GOLM1: variants seen among roughly 807,000 people sequenced by gnomAD.
GOLM1 encodes epididymis luminal protein 46.
GOLM1 carries 31 observed loss-of-function variants against 50.5 expected under a neutral mutation model. The ratio of observed to expected loss-of-function variants is 0.61; its 90% CI spans 0.46 to 0.83. GOLM1 has a LOEUF of 0.83. Ranked by LOEUF, GOLM1 falls within the 40% of genes least tolerant of loss-of-function variation. The probability of loss-of-function intolerance (pLI) is 0.00; values close to 1 mark genes in which losing one functional copy is unlikely to be tolerated. For synonymous variants in GOLM1, 178 were observed against 192.8 expected, an observed-to-expected ratio of 0.92 and a Z score of 0.64; for missense variants, 491 against 501.3, an observed-to-expected ratio of 0.98 and a Z score of 0.20.
intron 1 of GOLM1, chr9:86,080,280 T>C (rs1715958920): frequency 6.6e-6 from 1 of 152,194 alleles, no homozygotes; most frequent in Non-Finnish European, 1.5e-5. Context: ...GTTAATGGGC[T>C]TCAATTCAAA....
intron 3 of GOLM1, among the ~76,000 whole-genome samples, chr9:86,070,431 G>A (rs1197757875): frequency 2.0e-5 from 3 of 152,026 alleles, no homozygotes; most frequent in Non-Finnish European, 4.4e-5. Flanking sequence ...AATTAGCCGG[G>A]TGTGGTGGCA....
At chr9:86,044,690 AC>A (rs1217295916) in intron 5 of GOLM1, among the ~76,000 whole-genome samples, 1 of 152,220 alleles carries the variant, frequency 6.6e-6, no homozygotes, top group East Asian at 1.9e-4. Flanking sequence ...AGTAGCTCAC[AC>A]CTGTAATCCC....
Position 86,027,881 on chromosome 9 carries a change from T to G in GOLM1, c.1142A>C (p.Glu381Ala). The part of the protein sequence containing the change: ...NDRNIDVFNV[E>A]DQKRDTINLL... ...ATTTATGGTGTCTCTTTTCTGATCT[T>G]CAACATTAAAAACTAAAAAGGAAAA... is the stretch of plus-strand genomic sequence containing the variant. The change falls in exon 10 of 10, where the codon GAA becomes GCA. Residue 381 changes from glutamate (E) to alanine (A), a missense_variant. Glu to Ala is a moderately radical substitution (Grantham distance 107, BLOSUM62 -1). Coordinates refer to ENST00000388712, the MANE Select transcript of GOLM1 (RefSeq NM_016548.4). 2 of 1,598,936 alleles carry G rather than the reference T, an allele frequency of 1.3e-6. No homozygotes were observed. The highest frequency in any genetic ancestry group is 1.7e-6 in the Non-Finnish European group (2 of 1,166,414).
At position 86,077,608 on chromosome 9, in the gene GOLM1, G is replaced by A. The variant is rs770612188; in HGVS notation, c.130-17C>T. On this transcript the variant is annotated splice_polypyrimidine_tract_variant and intron_variant, in intron 2 of 9. Transcript: ENST00000388712. ...GATCCGTGTCTACAAGGAGACCGTG[G>A]CATTAGGGCTGATGCCAAGTTACCT... 1 of 1,602,594 alleles carries A rather than the reference G, an allele frequency of 6.2e-7. No individual in the cohort carries two copies. Among genetic ancestry groups the A allele is most frequent in the Non-Finnish European group, 8.5e-7 (1 of 1,170,862 alleles).
intron 2 of GOLM1, 163 bp from the exon 3 acceptor site, chr9:86,077,754 G>A (rs1378477190): frequency 1.7e-6 from 1 of 583,170 alleles, no homozygotes; most frequent in Admixed American, 3.0e-5. Flanking sequence ...AGAAGCTGGA[G>A]CGGTTTCTTC....
rs137940810 is a variant in GOLM1, at chr9:86,075,634, C to T, written c.309+1778G>A. On this transcript the variant is annotated intron_variant, in intron 3 of 9. Coordinates refer to ENST00000388712, the MANE Select transcript of GOLM1 (RefSeq NM_016548.4). ...TTCCATGCCTCCTACCACCAAACCA[C>T]AGCTAAAATCCTCCTGCAGCTAAGG... Among the ~76,000 whole-genome samples the T allele has an allele frequency of 2.6e-5, 4 of 152,352 alleles. No individual in the cohort carries two copies. In the East Asian group the frequency reaches 7.7e-4, roughly 29 times the overall value.
chr9:86,072,768 A>G lies in GOLM1; in HGVS notation c.309+4644T>C, dbSNP rs367972813. On this transcript the variant is annotated intron_variant, in intron 3 of 9. Coordinates refer to ENST00000388712, the MANE Select transcript of GOLM1 (RefSeq NM_016548.4). ...GAGATTTTGTCTTTGTGTAACCATC[A>G]TAGAATGCACTTATACAAACCTGGA... Among the ~76,000 whole-genome samples, 9 of 152,362 alleles carry G rather than the reference A, an allele frequency of 5.9e-5. 1 individual carries two copies. Among genetic ancestry groups the G allele is most frequent in the African/African-American group, 2.2e-4 (9 of 41,582 alleles).
intron 3 of GOLM1, among the ~76,000 whole-genome samples, chr9:86,074,088 C>G (rs146076363): frequency 8.6e-4 from 131 of 152,246 alleles, no homozygotes; most frequent in African/African-American, 2.8e-3. Context: ...AGGGAAATCT[C>G]TAGGTCAGGT....
At chr9:86,029,473 T>C (rs1356700392) in intron 9 of GOLM1, among the ~76,000 whole-genome samples, 1 of 152,068 alleles carries the variant, frequency 6.6e-6, no homozygotes, top group Non-Finnish European at 1.5e-5. Context: ...TTCTACCATC[T>C]GATCTTACTC....
chr9:86,035,527 C>A lies in GOLM1; in HGVS notation c.856G>T (p.Gly286Cys). The A allele has an allele frequency of 6.2e-7, 1 of 1,612,440 alleles. No individual in the cohort carries two copies. Residue 286 changes from glycine (G) to cysteine (C), a missense_variant, in exon 8 of 10, where the codon GGT (glycine) becomes TGT (cysteine). Coordinates refer to ENST00000388712, the MANE Select transcript of GOLM1 (RefSeq NM_016548.4). ...REQVVEDRPV[G>C]GRGFGGAGEL... ...CCGGCTCCCCCGAAGCCTCTTCCACCTACAGGTCTGTCTTCCACCACCTGC... is the reference window on the plus strand; with the variant it reads ...CCGGCTCCCCCGAAGCCTCTTCCACATACAGGTCTGTCTTCCACCACCTGC...
intron 3 of GOLM1, among the ~76,000 whole-genome samples, chr9:86,063,816 G>A (rs116632501): frequency 3.3e-3 from 498 of 152,314 alleles, no homozygotes; most frequent in African/African-American, 0.011. Context: ...TTTCTAGTGC[G>A]TATGAAGCCA....
intron 1 of GOLM1, among the ~76,000 whole-genome samples, chr9:86,080,752 C>T (rs1834757612): frequency 6.6e-6 from 1 of 152,130 alleles, no homozygotes; most frequent in Non-Finnish European, 1.5e-5. Flanking sequence ...TCATGTCTTA[C>T]CAGCTTCTGG....
chr9:86,087,826 C>T (rs1835026734), intron 1 of GOLM1, among the ~76,000 whole-genome samples: 1 of 152,134 alleles, frequency 6.6e-6, no homozygotes, highest in Non-Finnish European at 1.5e-5. Flanking sequence ...TGATGTGCTG[C>T]TGGATTTGGT....
At position 86,026,668 on chromosome 9, in the gene GOLM1, G is replaced by C. The variant is rs1053744190; in HGVS notation, c.*1149C>G. The C allele has an allele frequency of 1.0e-5, 10 of 984,308 alleles. No individual in the cohort carries two copies. Among genetic ancestry groups the C allele is most frequent in the Non-Finnish European group, 1.2e-5 (10 of 829,004 alleles). The allele number at this position is 984,308 out of a possible 1,614,324, so 61.0% of individuals were successfully genotyped here. On this transcript the variant is annotated 3_prime_UTR_variant, in exon 10 of 10. Transcript: ENST00000388712. Reference sequence around the variant, plus strand: ...TGATGTGGCCAGTTATTTGCAAGTGGTAAGAGCCTATTTACCATAAATAAT... The same window carrying C: ...TGATGTGGCCAGTTATTTGCAAGTGCTAAGAGCCTATTTACCATAAATAAT...
At chr9:86,087,403 T>C (rs1835011818) in intron 1 of GOLM1, among the ~76,000 whole-genome samples, 1 of 152,230 alleles carries the variant, frequency 6.6e-6, no homozygotes, top group African/African-American at 2.4e-5. Flanking sequence ...AGGGATCATA[T>C]GACTTCCTCT....
chr9:86,032,571 TA>T (rs755093931), intron 9 of GOLM1, among the ~76,000 whole-genome samples: 6 of 152,152 alleles, frequency 3.9e-5, no homozygotes, highest in South Asian at 2.1e-4. Context: ...TGTCAGGTAA[TA>T]AATGTGCTGT....
chr9:86,052,877 AG>A (rs1340450095), intron 3 of GOLM1, among the ~76,000 whole-genome samples: 1 of 97,006 alleles, frequency 1.0e-5, no homozygotes, highest in Non-Finnish European at 2.2e-5. Context: ...AGGGCCAGCC[AG>A]GCCCTCCTTC....
intron 6 of GOLM1, among the ~76,000 whole-genome samples, chr9:86,037,425 C>T (rs970174871): frequency 8.3e-5 from 11 of 132,518 alleles, no homozygotes; most frequent in Non-Finnish European, 1.7e-4. Flanking sequence ...GGCGACAGAG[C>T]GAGACTGTCT....
chr9:86,043,488 T>C (rs1833429135), intron 5 of GOLM1, among the ~76,000 whole-genome samples: 1 of 152,214 alleles, frequency 6.6e-6, no homozygotes, highest in Non-Finnish European at 1.5e-5. Flanking sequence ...TTGCACACTT[T>C]AGGCAGGTGT....
Sources: allele counts gnomAD v4.1 joint callset (sites outside exome capture counted in the v4.1 genomes callset), GRCh38; gene constraint gnomAD v4.1.1; transcripts MANE v1.5; gene names NCBI Gene and HGNC (gene_info 2026-07-23, HGNC 2026-07-21).